DCDC1: variants seen among roughly 807,000 people sequenced by gnomAD.
DCDC1 encodes doublecortin domain-containing protein 1.
DCDC1 carries 200 observed loss-of-function variants against 178.3 expected under a neutral mutation model. The ratio of observed to expected loss-of-function variants is 1.12; its 90% CI spans 1.00 to 1.26. The LOEUF is 1.26. DCDC1 is among the 50% of genes most tolerant of loss of function. DCDC1 has a pLI of 0.00. For missense variants in DCDC1, 1,983 were observed against 1,749.2 expected (o/e 1.13, Z -2.38); for synonymous variants, 690 against 604.8 (o/e 1.14, Z -2.07).
At chr11:30,919,259 G>A (rs1004507904) in intron 25 of DCDC1, among the ~76,000 whole-genome samples, 7 of 152,078 alleles carry the variant, frequency 4.6e-5, no homozygotes, top group African/African-American at 1.7e-4. Flanking sequence ...ATAATAAGAT[G>A]GAGATGGTCT....
At chr11:30,938,045 C>T (rs1326592896) in intron 21 of DCDC1, among the ~76,000 whole-genome samples, 1 of 151,968 alleles carries the variant, frequency 6.6e-6, no homozygotes, top group African/African-American at 2.4e-5. Context: ...CCTGCACCTC[C>T]TTGCTTGAAC....
intron 20 of DCDC1, among the ~76,000 whole-genome samples, chr11:30,968,711 T>TTATTTATATATATATATATATATATA (rs1949596552): frequency 1.6e-5 from 1 of 61,058 alleles, no homozygotes; most frequent in African/African-American, 7.8e-5. Flanking sequence ...ATATATCAAA[T>TTATTTATATATATATATATATATATA]TATATATATA....
In DCDC1 at chr11:31,307,817, C is replaced by A. The variant is rs760267107; in HGVS notation, c.256G>T (p.Ala86Ser). 8 of 1,613,996 alleles carry A rather than the reference C, an allele frequency of 5.0e-6. No individual in the cohort carries two copies. The African/African-American group carries it at 1.1e-4, about 22-fold the overall frequency. ...AGTCCTGACCCTTCTGATACTGCTGCTGAATGCACGAGTCTGTTGGGGCCA... is the reference window on the plus strand; with the variant it reads ...AGTCCTGACCCTTCTGATACTGCTGATGAATGCACGAGTCTGTTGGGGCCA... ...QFGPNRLVHS[A>S]AVSEGSGLQD... Residue 86 changes from alanine to serine, a missense_variant, in exon 4 of 39, where the codon GCA becomes TCA. Coordinates refer to ENST00000684477, the MANE Select transcript of DCDC1 (RefSeq NM_001387274.1).
Position 30,906,566 on chromosome 11 carries a change from G to A in DCDC1, c.4078C>T (p.Pro1360Ser), listed in dbSNP as rs1470375713. 3 of 1,613,010 alleles carry A rather than the reference G, an allele frequency of 1.9e-6. No individual in the cohort carries two copies. Among genetic ancestry groups the A allele is most frequent in the Non-Finnish European group, 2.5e-6 (3 of 1,179,532 alleles). ...TCAGCCACACTGATGACCTTGAAGGGCCCTTGTAAGAAGGGCTTCTGAGTC... is the reference window on the plus strand; with the variant it reads ...TCAGCCACACTGATGACCTTGAAGGACCCTTGTAAGAAGGGCTTCTGAGTC... The part of the protein sequence containing the change: ...TKTQKPFLQG[P>S]FKVISVAEVD... Residue 1360 changes from proline (P) to serine (S), a missense_variant, in exon 30 of 39, where the codon CCC becomes TCC. Pro to Ser is a moderately conservative substitution (Grantham distance 74). Coordinates refer to ENST00000684477, the MANE Select transcript of DCDC1 (RefSeq NM_001387274.1).
intron 37 of DCDC1, among the ~76,000 whole-genome samples, chr11:30,879,399 A>G (rs1942440315): frequency 6.6e-6 from 1 of 152,158 alleles, no homozygotes; most frequent in Non-Finnish European, 1.5e-5. Flanking sequence ...ATAAATGAGT[A>G]TTACTTACTT....
intron 8 of DCDC1, among the ~76,000 whole-genome samples, chr11:31,245,041 C>T (rs1977660154): frequency 6.6e-6 from 1 of 151,440 alleles, no homozygotes. Flanking sequence ...CACGCTGTTT[C>T]ATTCCTTTTC....
intron 2 of DCDC1, among the ~76,000 whole-genome samples, chr11:31,331,275 T>C (rs1451591761): frequency 6.6e-6 from 1 of 152,230 alleles, no homozygotes. Context: ...CTTAAGGAGA[T>C]TTTGGGCTGA....
At position 31,032,772 on chromosome 11, in the gene DCDC1, CT is replaced by C. The variant is rs374122453; in HGVS notation, c.2591+31696del. On this transcript the variant is annotated intron_variant, in intron 20 of 38. Transcript: ENST00000684477. Reference sequence around the variant, plus strand: ...AAGTTGTGGGGACAGTTTTCTTTTCCTTTTCTTATTTTAATTAGTTCAGCAA... The same window carrying C: ...AAGTTGTGGGGACAGTTTTCTTTTCCTTTCTTATTTTAATTAGTTCAGCAA... Among the ~76,000 whole-genome samples the C allele has an allele frequency of 3.2e-4, 48 of 152,172 alleles. No individual in the cohort carries two copies. In the East Asian group the frequency reaches 6.8e-3, roughly 21 times the overall value.
chr11:31,362,297 G>A (rs1377616828), intron 1 of DCDC1, among the ~76,000 whole-genome samples: 1 of 152,122 alleles, frequency 6.6e-6, no homozygotes, highest in Non-Finnish European at 1.5e-5. Flanking sequence ...AATAGTGATA[G>A]AGGAATATTC....
chr11:30,897,127 A>G (rs1270558650), intron 34 of DCDC1, among the ~76,000 whole-genome samples: 1 of 152,174 alleles, frequency 6.6e-6, no homozygotes, highest in Non-Finnish European at 1.5e-5. Flanking sequence ...TGTTGAATTT[A>G]TATTTAATAG....
At chr11:31,199,516 C>T (rs1464685010) in intron 9 of DCDC1, among the ~76,000 whole-genome samples, 1 of 152,048 alleles carries the variant, frequency 6.6e-6, no homozygotes, top group African/African-American at 2.4e-5. Flanking sequence ...TCGAGACTGT[C>T]ACATGGCAGA....
chr11:30,912,538 C>T (rs1339535898), intron 27 of DCDC1, among the ~76,000 whole-genome samples: 7 of 152,198 alleles, frequency 4.6e-5, no homozygotes, highest in Non-Finnish European at 1.0e-4. Flanking sequence ...CCACCTCAGC[C>T]TCCCAAAGTG....
chr11:31,238,289 C>T (rs941491763), intron 9 of DCDC1, among the ~76,000 whole-genome samples: 1 of 152,048 alleles, frequency 6.6e-6, no homozygotes, highest in Non-Finnish European at 1.5e-5. Flanking sequence ...CACGTTTATG[C>T]ATCTTTACAG....
At chr11:30,969,745 T>C (rs2134667955) in intron 20 of DCDC1, among the ~76,000 whole-genome samples, 1 of 152,348 alleles carries the variant, frequency 6.6e-6, no homozygotes, top group East Asian at 1.9e-4. Flanking sequence ...GAGTTCATTT[T>C]CATTCATTTC....
chr11:30,893,612 A>G (rs572086390), intron 35 of DCDC1, among the ~76,000 whole-genome samples: 22 of 152,266 alleles, frequency 1.4e-4, no homozygotes, highest in African/African-American at 5.3e-4. Context: ...CTTTTGTTCT[A>G]GTAACCTTGA....
chr11:31,130,361 C>T (rs573536220), intron 10 of DCDC1, among the ~76,000 whole-genome samples: 3 of 152,186 alleles, frequency 2.0e-5, no homozygotes, highest in Admixed American at 1.3e-4. Flanking sequence ...CAGTGAAATA[C>T]GAACAGAAGT....
chr11:31,084,453 G>A (rs749557069), intron 17 of DCDC1, among the ~76,000 whole-genome samples: 1 of 152,002 alleles, frequency 6.6e-6, no homozygotes, highest in African/African-American at 2.4e-5. Flanking sequence ...ATTACCCAGA[G>A]GTGAGGTAAA....
At chr11:31,292,872 A>G (rs951420498) in intron 6 of DCDC1, among the ~76,000 whole-genome samples, 4 of 151,366 alleles carry the variant, frequency 2.6e-5, no homozygotes, top group African/African-American at 9.7e-5. Context: ...CTCACAGGGG[A>G]AAAAAAAATA....
intron 20 of DCDC1, among the ~76,000 whole-genome samples, chr11:30,964,502 C>T (rs1465400379): frequency 3.3e-5 from 5 of 152,118 alleles, no homozygotes; most frequent in African/African-American, 9.6e-5. Context: ...CTCATGACAC[C>T]GCAGCATCCG....
Sources: gnomAD v4.1 joint callset for allele counts (sites outside exome capture counted in the v4.1 genomes callset) on GRCh38, gnomAD v4.1.1 for gene constraint, MANE v1.5 for transcripts, NCBI Gene and HGNC (gene_info 2026-07-23, HGNC 2026-07-21) for gene names.